MAMDC2: variants seen among roughly 807,000 people sequenced by gnomAD.
MAMDC2 encodes the protein MAM domain-containing protein 2.
In MAMDC2, 57 loss-of-function variants were observed where a neutral mutation model predicts 89.8. The observed-to-expected ratio is 0.63, with a 90% CI of 0.51 to 0.79. MAMDC2 has a LOEUF of 0.79. Among genes scored for constraint, MAMDC2 ranks in the 30% least tolerant of loss-of-function variants. The probability of loss-of-function intolerance (pLI) is 0.00; values close to 1 mark genes in which losing one functional copy is unlikely to be tolerated. For synonymous variants in MAMDC2, 313 were observed against 293.4 expected (o/e 1.07, Z -0.68); for missense variants, 800 against 820.6 (o/e 0.97, Z 0.31).
intron 11 of MAMDC2, among the ~76,000 whole-genome samples, chr9:70,181,311 C>T (rs2032640988): frequency 6.6e-6 from 1 of 152,140 alleles, no homozygotes. Context: ...GTTCTTTTTG[C>T]TTAGGATAGT....
At chr9:70,058,373 C>T (rs531605700) in intron 2 of MAMDC2, among the ~76,000 whole-genome samples, 58 of 152,246 alleles carry the variant, frequency 3.8e-4, no homozygotes, top group African/African-American at 1.4e-3. Flanking sequence ...GCTTTGTCAC[C>T]TCTCTGTTTA....
chr9:70,124,161 G>C (rs1037873475), intron 5 of MAMDC2, among the ~76,000 whole-genome samples: 2 of 152,146 alleles, frequency 1.3e-5, no homozygotes, highest in Non-Finnish European at 2.9e-5. Context: ...GAGGGGCCAG[G>C]CTTCTCACCC....
intron 2 of MAMDC2, among the ~76,000 whole-genome samples, chr9:70,047,896 TC>T (rs200860526): frequency 0.01 from 1,539 of 152,300 alleles, 33 homozygotes; most frequent in South Asian, 0.085. Context: ...CAGTATTAAG[TC>T]CCTAGATGTC....
At chr9:70,135,603 T>C (rs2030975599) in intron 7 of MAMDC2, among the ~76,000 whole-genome samples, 1 of 152,190 alleles carries the variant, frequency 6.6e-6, no homozygotes, top group African/African-American at 2.4e-5. Flanking sequence ...TGGAGAGAAG[T>C]GATCCTGGCT....
chr9:70,081,486 G>T (rs903503728), intron 2 of MAMDC2: 1 of 152,042 alleles, frequency 6.6e-6, no homozygotes, highest in Non-Finnish European at 1.5e-5. Flanking sequence ...ATGCACCAAA[G>T]CATATTCAGA....
intron 2 of MAMDC2, among the ~76,000 whole-genome samples, chr9:70,065,174 G>A (rs1017208760): frequency 2.6e-5 from 4 of 152,128 alleles, no homozygotes; most frequent in Non-Finnish European, 5.9e-5. Flanking sequence ...TCTAAATCTT[G>A]AAGGCAAGTG....
At chr9:70,170,729 T>C in intron 11 of MAMDC2, 98 bp downstream of exon 11, 1 of 1,208,870 alleles carries the variant, frequency 8.3e-7, no homozygotes. Context: ...AATTATGTCT[T>C]GTGTCTATAA....
rs73650519 is a variant in MAMDC2 at position 70,065,155 on chromosome 9, T to C, written c.148+20458T>C. ...GAGCTACTTATCCAAAAACCATGTG[T>C]ATCGGTTTTCTAAATCTTGAAGGCA... On this transcript the variant is annotated intron_variant, in intron 2 of 13. Transcript: ENST00000377182. Among the ~76,000 whole-genome samples the C allele has an allele frequency of 3.0e-3, 455 of 152,316 alleles. 2 individuals carry two copies. The highest frequency in any genetic ancestry group is 0.011 in the African/African-American group (439 of 41,572).
chr9:70,223,565 A>G (rs2033602127), intron 12 of MAMDC2, among the ~76,000 whole-genome samples: 2 of 152,182 alleles, frequency 1.3e-5, no homozygotes, highest in Admixed American at 6.5e-5. Context: ...TAAAACTTTG[A>G]ATGACATTGA....
intron 5 of MAMDC2, among the ~76,000 whole-genome samples, chr9:70,121,031 C>T (rs1299226057): frequency 6.6e-6 from 1 of 152,180 alleles, no homozygotes; most frequent in Non-Finnish European, 1.5e-5. Context: ...AACACTGGAG[C>T]AGACAACACA....
intron 12 of MAMDC2, among the ~76,000 whole-genome samples, chr9:70,219,721 G>T (rs558185751): frequency 6.6e-6 from 1 of 152,218 alleles, no homozygotes; most frequent in Non-Finnish European, 1.5e-5. Context: ...ATTTGGCAAA[G>T]AATAACAGGT....
intron 2 of MAMDC2, among the ~76,000 whole-genome samples, chr9:70,047,286 T>C (rs1398132012): frequency 6.6e-6 from 1 of 152,032 alleles, no homozygotes; most frequent in Non-Finnish European, 1.5e-5. Context: ...GCTGCACCTA[T>C]CATCCCGTCA....
At chr9:70,192,647 T>A (rs956931579) in intron 11 of MAMDC2, among the ~76,000 whole-genome samples, 21 of 152,216 alleles carry the variant, frequency 1.4e-4, no homozygotes, top group Admixed American at 3.9e-4. Context: ...TCATCTTGAG[T>A]AATAAATATT....
chr9:70,202,882 G>A (rs1379991576), intron 11 of MAMDC2, among the ~76,000 whole-genome samples: 4 of 148,786 alleles, frequency 2.7e-5, no homozygotes, highest in Non-Finnish European at 6.0e-5. Flanking sequence ...TGCAACCCCT[G>A]CCTTTTTTTG....
chr9:70,213,265 C>G (rs1385900139), intron 11 of MAMDC2, among the ~76,000 whole-genome samples: 2 of 152,206 alleles, frequency 1.3e-5, no homozygotes, highest in Non-Finnish European at 2.9e-5. Flanking sequence ...CTCTACTTTC[C>G]ACTTTCCCAG....
In MAMDC2 at chr9:70,161,744, C is replaced by T. The variant is rs114835566; in HGVS notation, c.1405-6958C>T. Among the ~76,000 whole-genome samples the T allele has an allele frequency of 9.2e-3, 1,393 of 152,228 alleles. 23 individuals are homozygous for T. Among genetic ancestry groups the T allele is most frequent in the African/African-American group, 0.032 (1,320 of 41,546 alleles). ...AACAGTTAAATGAATGCAATTACAT[C>T]GTATAGTATATCTTACAGATGTGTC... On this transcript the variant is annotated intron_variant, in intron 9 of 13. Transcript: ENST00000377182.
chr9:70,115,704 G>A (rs1044588907), intron 5 of MAMDC2, among the ~76,000 whole-genome samples: 9 of 152,124 alleles, frequency 5.9e-5, no homozygotes, highest in East Asian at 5.8e-4. Context: ...TAAGTGGCCC[G>A]TCCTCATTTG....
At chr9:70,127,247 C>T (rs1041202965) in intron 6 of MAMDC2, among the ~76,000 whole-genome samples, 3 of 152,104 alleles carry the variant, frequency 2.0e-5, no homozygotes, top group Admixed American at 1.3e-4. Flanking sequence ...AGAAATTGGA[C>T]ATTTTTTTCT....
chr9:70,195,100 A>G (rs1482950977), intron 11 of MAMDC2, among the ~76,000 whole-genome samples: 5 of 152,126 alleles, frequency 3.3e-5, no homozygotes, highest in South Asian at 2.1e-4. Context: ...TAAAAATGGA[A>G]TCTATTTAAA....
Sources: allele counts gnomAD v4.1 joint callset (sites outside exome capture counted in the v4.1 genomes callset), GRCh38; gene constraint gnomAD v4.1.1; transcripts MANE v1.5; gene names NCBI Gene and HGNC (gene_info 2026-07-23, HGNC 2026-07-21).